The following AGBL4 variants were observed in gnomAD, a reference collection of about 807,000 sequenced individuals.
AGBL4 encodes the protein cytosolic carboxypeptidase 6.
AGBL4 carries 58 observed loss-of-function variants against 66.4 expected under a neutral mutation model. The observed-to-expected ratio is 0.87, with a 90% CI of 0.71 to 1.09. AGBL4 has a LOEUF of 1.09. AGBL4 is among the 50% of genes least tolerant of loss of function. AGBL4 has a pLI of 0.00. For missense variants in AGBL4, 579 were observed against 631.0 expected (o/e 0.92, Z 0.88); for synonymous variants, 234 against 222.9 (o/e 1.05, Z -0.44).
intron 1 of AGBL4, among the ~76,000 whole-genome samples, chr1:49,864,096 T>A (rs1646642519): frequency 6.6e-6 from 1 of 152,032 alleles, no homozygotes; most frequent in Admixed American, 6.6e-5. Flanking sequence ...AAAAATGAGA[T>A]CCTGTCATTT....
At chr1:49,563,299 T>C (rs946215503) in intron 3 of AGBL4, among the ~76,000 whole-genome samples, 6 of 152,106 alleles carry the variant, frequency 3.9e-5, no homozygotes, top group Admixed American at 3.9e-4. Flanking sequence ...ATGCTCTTTA[T>C]TTCCTTCTCC....
intron 9 of AGBL4, among the ~76,000 whole-genome samples, chr1:48,626,224 C>G (rs1251167838): frequency 6.6e-6 from 1 of 152,210 alleles, no homozygotes; most frequent in Non-Finnish European, 1.5e-5. Context: ...CAGCTGGCTG[C>G]TGTCTGAACA....
chr1:49,034,678 C>T lies in AGBL4; in HGVS notation c.594+10906G>A, dbSNP rs115777412. ...TCTCCTGATAGAGAGTGAGTTCTTACGAGGTGTGATGGTTTTATAAGGGGC... is the reference window on the plus strand; with the variant it reads ...TCTCCTGATAGAGAGTGAGTTCTTATGAGGTGTGATGGTTTTATAAGGGGC... On this transcript the variant is annotated intron_variant, in intron 5 of 13. Coordinates refer to ENST00000371839, the MANE Select transcript of AGBL4 (RefSeq NM_032785.4). Among the ~76,000 whole-genome samples the T allele has an allele frequency of 5.6e-3, 856 of 152,094 alleles. 10 individuals are homozygous for T. The highest frequency in any genetic ancestry group is 0.02 in the African/African-American group (811 of 41,490).
chr1:48,798,110 C>T (rs944000153), intron 6 of AGBL4, among the ~76,000 whole-genome samples: 12 of 152,182 alleles, frequency 7.9e-5, no homozygotes, highest in Admixed American at 7.9e-4. Flanking sequence ...GTAAAAGTGT[C>T]CTCTTTTTAC....
intron 2 of AGBL4, chr1:49,844,792 G>A (rs1646093719): frequency 1.3e-6 from 2 of 1,570,810 alleles, no homozygotes; most frequent in Non-Finnish European, 8.8e-7. Context: ...CCTCTGGGAT[G>A]GTCTGTGGTA....
Position 48,534,148 on chromosome 1 carries a change from T to A in AGBL4, c.*25A>T, listed in dbSNP as rs1415233294. 4.5e-6 allele frequency: 7 copies of A among 1,551,416 alleles called. No homozygotes were observed. Among genetic ancestry groups the A allele is most frequent in the Non-Finnish European group, 6.1e-6 (7 of 1,146,788 alleles). ...CAGAAAATGCATGCTCCTGTCCCCA[T>A]AAGACCTCCCAGGACTCCGTGTCTT... is the stretch of plus-strand genomic sequence containing the variant. On this transcript the variant is annotated 3_prime_UTR_variant, in exon 14 of 14. Coordinates refer to ENST00000371839, the MANE Select transcript of AGBL4 (RefSeq NM_032785.4).
At chr1:48,787,579 T>C (rs1415103966) in intron 6 of AGBL4, among the ~76,000 whole-genome samples, 1 of 152,228 alleles carries the variant, frequency 6.6e-6, no homozygotes, top group Non-Finnish European at 1.5e-5. Flanking sequence ...GACTCATATA[T>C]ACAACATACA....
intron 2 of AGBL4, among the ~76,000 whole-genome samples, chr1:49,817,527 C>T (rs7526553): frequency 0.61 from 92,613 of 151,998 alleles, 28,866 homozygotes; most frequent in Non-Finnish European, 0.67. Flanking sequence ...TTATTTATAA[C>T]CCTGTGTTAA....
rs575400147 is a variant in AGBL4, at chr1:49,317,196, T to C, written c.283-71332A>G. 1.4e-3 allele frequency among the ~76,000 whole-genome samples: 207 copies of C among 152,054 alleles called. 1 individual carries two copies. The highest frequency in any genetic ancestry group is 4.7e-3 in the African/African-American group (197 of 41,566). ...TTGTTTTCGTCTTTTTGGTTATCTA[T>C]ATTTTCAATGATTTCTACAAATAAT... On this transcript the variant is annotated intron_variant, in intron 3 of 13. Coordinates refer to ENST00000371839, the MANE Select transcript of AGBL4 (RefSeq NM_032785.4).
chr1:48,559,632 C>T (rs1341024973), intron 11 of AGBL4, among the ~76,000 whole-genome samples: 1 of 152,146 alleles, frequency 6.6e-6, no homozygotes, highest in Non-Finnish European at 1.5e-5. Flanking sequence ...TCTATACCTT[C>T]TAGTTCTTTT....
At chr1:49,790,326 T>C (rs1376039744) in intron 2 of AGBL4, among the ~76,000 whole-genome samples, 1 of 144,450 alleles carries the variant, frequency 6.9e-6, no homozygotes, top group Admixed American at 7.1e-5. Context: ...ATCGCATGAC[T>C]GCATTCCAGC....
chr1:49,561,610 C>A (rs1479363310), intron 3 of AGBL4, among the ~76,000 whole-genome samples: 35 of 152,010 alleles, frequency 2.3e-4, no homozygotes, highest in East Asian at 7.7e-4. Context: ...TTCCAGCTTC[C>A]TCCATGTCCC....
chr1:49,473,849 G>A (rs954708532), intron 3 of AGBL4, among the ~76,000 whole-genome samples: 2 of 152,032 alleles, frequency 1.3e-5, no homozygotes, highest in Admixed American at 6.6e-5. Context: ...TGCTGTATGT[G>A]GTTAGCCAGT....
chr1:49,232,323 A>G (rs951654875), intron 4 of AGBL4, among the ~76,000 whole-genome samples: 1 of 152,156 alleles, frequency 6.6e-6, no homozygotes, highest in African/African-American at 2.4e-5. Context: ...GCAAGATTAT[A>G]AACCCTAAAT....
chr1:49,734,187 A>G (rs1200445442), intron 2 of AGBL4, among the ~76,000 whole-genome samples: 1 of 152,118 alleles, frequency 6.6e-6, no homozygotes, highest in Non-Finnish European at 1.5e-5. Context: ...GGGGAAAAAA[A>G]TAATCTGCCC....
intron 3 of AGBL4, among the ~76,000 whole-genome samples, chr1:49,324,275 A>C (rs1476253711): frequency 6.6e-6 from 1 of 152,238 alleles, no homozygotes; most frequent in Non-Finnish European, 1.5e-5. Context: ...AACAACAGAA[A>C]ATTCATCTCA....
At chr1:49,850,454 A>T (rs1172375081) in intron 2 of AGBL4, among the ~76,000 whole-genome samples, 1 of 152,182 alleles carries the variant, frequency 6.6e-6, no homozygotes, top group African/African-American at 2.4e-5. Context: ...AGTTTGTGGT[A>T]CTTTGTGACA....
At chr1:49,224,381 G>C (rs1172928936) in intron 4 of AGBL4, among the ~76,000 whole-genome samples, 2 of 152,052 alleles carry the variant, frequency 1.3e-5, no homozygotes, top group African/African-American at 4.8e-5. Context: ...ACTTTGGGTG[G>C]CCAAGGCAGG....
chr1:49,820,634 C>A (rs559632636), intron 2 of AGBL4, among the ~76,000 whole-genome samples: 36 of 152,292 alleles, frequency 2.4e-4, no homozygotes, highest in African/African-American at 8.2e-4. Context: ...ACATTCCTAT[C>A]TACTCAACTC....
Sources: gnomAD v4.1 joint callset for allele counts (sites outside exome capture counted in the v4.1 genomes callset) on GRCh38, gnomAD v4.1.1 for gene constraint, MANE v1.5 for transcripts, NCBI Gene and HGNC (gene_info 2026-07-23, HGNC 2026-07-21) for gene names.